ACAP2: variants seen among roughly 807,000 people sequenced by gnomAD.
ACAP2 encodes the protein ArfGAP with coiled-coil, ankyrin repeat and PH domains 2.
In ACAP2, 39 loss-of-function variants were observed where a neutral mutation model predicts 115.8. The ratio of observed to expected loss-of-function variants is 0.34; its 90% confidence interval spans 0.26 to 0.44. The LOEUF (loss-of-function observed/expected upper bound fraction) is 0.44. Among genes scored for constraint, ACAP2 ranks in the 20% least tolerant of loss-of-function variants. The pLI is 1.00. For synonymous variants in ACAP2, 289 were observed against 315.8 expected (o/e 0.92, Z 0.90); for missense variants, 662 against 927.6 (o/e 0.71, Z 3.72).
At chr3:195,378,307 A>G (rs1029400260) in intron 4 of ACAP2, among the ~76,000 whole-genome samples, 1 of 152,048 alleles carries the variant, frequency 6.6e-6, no homozygotes, top group Non-Finnish European at 1.5e-5. Flanking sequence ...CCTGGCCAAC[A>G]TGTTGAAACC....
At chr3:195,363,064 CA>C (rs1274181231) in intron 4 of ACAP2, among the ~76,000 whole-genome samples, 2 of 151,922 alleles carry the variant, frequency 1.3e-5, no homozygotes. Flanking sequence ...TAAAGACCAC[CA>C]AAAAAACTAT....
intron 4 of ACAP2, among the ~76,000 whole-genome samples, chr3:195,360,533 T>C (rs976722788): frequency 2.6e-5 from 4 of 152,192 alleles, no homozygotes; most frequent in Non-Finnish European, 5.9e-5. Context: ...CAGTGGCTCA[T>C]GCCTGTAATC....
intron 22 of ACAP2, among the ~76,000 whole-genome samples, chr3:195,284,694 G>C (rs1726729074): frequency 6.6e-6 from 1 of 152,080 alleles, no homozygotes; most frequent in African/African-American, 2.4e-5. Flanking sequence ...ATTTAAACAG[G>C]AAGAAGAGAT....
intron 2 of ACAP2, among the ~76,000 whole-genome samples, chr3:195,386,305 A>G (rs1734298557): frequency 6.6e-6 from 1 of 152,196 alleles, no homozygotes; most frequent in African/African-American, 2.4e-5. Context: ...GGAATTAGAT[A>G]GTGGTGATAG....
chr3:195,328,480 C>T (rs911619601), intron 8 of ACAP2, among the ~76,000 whole-genome samples: 20 of 152,190 alleles, frequency 1.3e-4, no homozygotes, highest in Admixed American at 8.5e-4. Context: ...ATACAGGTGG[C>T]AACTATGCTA....
intron 4 of ACAP2, among the ~76,000 whole-genome samples, chr3:195,355,061 G>A (rs1422883663): frequency 6.6e-6 from 1 of 152,016 alleles, no homozygotes; most frequent in Non-Finnish European, 1.5e-5. Context: ...ACGGGGTTTC[G>A]CCATGTTGGA....
chr3:195,337,764 A>C (rs1402514527), intron 6 of ACAP2, among the ~76,000 whole-genome samples: 1 of 152,156 alleles, frequency 6.6e-6, no homozygotes, highest in African/African-American at 2.4e-5. Context: ...AAAAATTATA[A>C]ATAAGATCAT....
intron 4 of ACAP2, among the ~76,000 whole-genome samples, chr3:195,378,108 G>A (rs2108744867): frequency 6.6e-6 from 1 of 152,112 alleles, no homozygotes; most frequent in Admixed American, 6.5e-5. Context: ...AAGGGAGGAA[G>A]GAAGGAGAGA....
At position 195,392,367 on chromosome 3, in the gene ACAP2, A is replaced by T. The variant is rs181212491; in HGVS notation, c.54-220T>A. ...GACAATGACAGAACACATTACGCTA[A>T]TTTATACTCAAAGCATTAGTATCAT... On this transcript the variant is annotated intron_variant, in intron 1 of 22. Transcript: ENST00000326793. Among the ~76,000 whole-genome samples, 8 of 152,334 alleles carry T rather than the reference A, an allele frequency of 5.3e-5. No homozygotes were observed. In the East Asian group the frequency reaches 1.4e-3, roughly 26 times the overall value.
chr3:195,393,882 ATT>A (rs1289330902), intron 1 of ACAP2, among the ~76,000 whole-genome samples: 5 of 87,226 alleles, frequency 5.7e-5, no homozygotes, highest in African/African-American at 1.9e-4. Flanking sequence ...AGAGTATTAT[ATT>A]GGGGGGGGGG....
chr3:195,369,401 T>C (rs189375544), intron 4 of ACAP2, among the ~76,000 whole-genome samples: 1 of 152,308 alleles, frequency 6.6e-6, no homozygotes, highest in Admixed American at 6.5e-5. Flanking sequence ...GTTATTTTTT[T>C]CCGATCCTCT....
At chr3:195,397,991 A>AT (rs1711944649) in intron 1 of ACAP2, among the ~76,000 whole-genome samples, 1 of 152,208 alleles carries the variant, frequency 6.6e-6, no homozygotes, top group Non-Finnish European at 1.5e-5. Flanking sequence ...TTTAAGAGAA[A>AT]ACACTTCTAG....
chr3:195,298,712 A>G (rs1577255149), intron 15 of ACAP2, among the ~76,000 whole-genome samples: 1 of 151,746 alleles, frequency 6.6e-6, no homozygotes, highest in African/African-American at 2.4e-5. Context: ...GCTCACTGCA[A>G]CCTCTGCCTC....
chr3:195,441,033 T>C (rs984049454), intron 1 of ACAP2, among the ~76,000 whole-genome samples: 1 of 152,144 alleles, frequency 6.6e-6, no homozygotes. Flanking sequence ...CCTCTTATTT[T>C]ATATTCAATG....
intron 8 of ACAP2, among the ~76,000 whole-genome samples, chr3:195,331,060 T>A (rs1730132843): frequency 1.3e-5 from 2 of 152,184 alleles, no homozygotes; most frequent in African/African-American, 4.8e-5. Context: ...TATTCTTGGT[T>A]TTCTATTACT....
At chr3:195,334,581 A>C (rs1262254981) in intron 7 of ACAP2, among the ~76,000 whole-genome samples, 2 of 152,172 alleles carry the variant, frequency 1.3e-5, no homozygotes, top group East Asian at 1.9e-4. Flanking sequence ...TATGAGGTAC[A>C]TAAGTGGCCA....
At position 195,442,980 on chromosome 3, in the gene ACAP2, C is replaced by T. The variant is rs929571862; in HGVS notation, c.-133G>A. On this transcript the variant is annotated 5_prime_UTR_variant, in exon 1 of 23. Coordinates refer to ENST00000326793, the MANE Select transcript of ACAP2 (RefSeq NM_012287.6). ...GCGGAGCTGCGAAGGGCGCCTCGCC[C>T]GCTGGTCATAGCAGCCGCGAAGACG... 1.3e-6 allele frequency: 1 copy of T among 770,558 alleles called. No homozygotes were observed. The highest frequency in any genetic ancestry group is 1.9e-6 in the Non-Finnish European group (1 of 520,786). The allele number at this position is 770,558 out of a possible 1,614,324, so 47.7% of individuals were successfully genotyped here.
intron 4 of ACAP2, among the ~76,000 whole-genome samples, chr3:195,376,961 T>A (rs1315376513): frequency 6.6e-6 from 1 of 152,108 alleles, no homozygotes; most frequent in Admixed American, 6.6e-5. Flanking sequence ...TAATTAGAAT[T>A]CCAGAGAATG....
chr3:195,295,858 C>T lies in ACAP2; in HGVS notation c.1522G>A (p.Val508Met), dbSNP rs1293808565. 2 of 1,613,578 alleles carry T rather than the reference C, an allele frequency of 1.2e-6. No individual in the cohort carries two copies. The highest frequency in any genetic ancestry group is 1.7e-6 in the Non-Finnish European group (2 of 1,179,856). Residue 508 changes from valine (V) to methionine (M), a missense_variant, in exon 17 of 23, where the codon GTG (valine) becomes ATG (methionine). Val to Met is a conservative substitution (Grantham distance 21, BLOSUM62 1). Coordinates refer to ENST00000326793, the MANE Select transcript of ACAP2 (RefSeq NM_012287.6). ...EKEAYIRAKY[V>M]ERKFVDKYSI... ...TATTTATCCACAAATTTCCTCTCCA[C>T]ATATTTTGCTCTGATATATGCCTCC...
Sources: gnomAD v4.1 joint callset for allele counts (sites outside exome capture counted in the v4.1 genomes callset) on GRCh38, gnomAD v4.1.1 for gene constraint, MANE v1.5 for transcripts, NCBI Gene and HGNC (gene_info 2026-07-23, HGNC 2026-07-21) for gene names.